The following MID2 variants were observed in gnomAD, a reference collection of about 807,000 sequenced individuals.
The protein encoded by MID2 is probable E3 ubiquitin-protein ligase MID2.
In MID2, 13 loss-of-function variants were observed where a neutral mutation model predicts 46.1. The observed-to-expected ratio is 0.28, with a 90% CI of 0.18 to 0.45. The LOEUF is 0.45. MID2 is among the 20% of genes least tolerant of loss of function. The pLI is 1.00. For synonymous variants in MID2, 199 were observed against 212.3 expected (o/e 0.94, Z 0.55); for missense variants, 431 against 575.4 (o/e 0.75, Z 2.57).
At chrX:107,920,807 A>G (rs946581885) in intron 7 of MID2, among the ~76,000 whole-genome samples, 1 of 111,994 alleles carries the variant, frequency 8.9e-6, no homozygotes, top group Non-Finnish European at 1.9e-5. Context: ...AAATTCACCT[A>G]CTGTTAATAT....
intron 3 of MID2, among the ~76,000 whole-genome samples, chrX:107,890,249 T>C (rs1253413126): frequency 8.9e-6 from 1 of 112,180 alleles, no homozygotes; most frequent in Non-Finnish European, 1.9e-5. Context: ...CTTTGTGGTT[T>C]TATCTTCCTT....
At chrX:107,876,384 A>T (rs1217240729) in intron 3 of MID2, among the ~76,000 whole-genome samples, 2 of 111,534 alleles carry the variant, frequency 1.8e-5, no homozygotes, top group African/African-American at 6.5e-5. Flanking sequence ...CCTTGACTGA[A>T]TTGGGAGATA....
At chrX:107,907,959 T>G (rs1222807606) in intron 5 of MID2, among the ~76,000 whole-genome samples, 1 of 111,756 alleles carries the variant, frequency 8.9e-6, no homozygotes, top group Non-Finnish European at 1.9e-5. Context: ...TCAAAAAAAC[T>G]TTATGAGGTA....
chrX:107,886,945 A>G (rs141361786), intron 3 of MID2, among the ~76,000 whole-genome samples: 14,753 of 111,397 alleles, frequency 0.13, 1,012 homozygotes, highest in Non-Finnish European at 0.21. Context: ...GGTGTATAAG[A>G]ATGCTTGTGA....
chrX:107,917,408 C>T (rs916298738), intron 6 of MID2, 98 bp from the exon 7 acceptor site: 3 of 677,974 alleles, frequency 4.4e-6, no homozygotes, highest in African/African-American at 2.2e-5. Flanking sequence ...AAGAAAATCT[C>T]TTCAAGAGAT....
intron 4 of MID2, 117 bp downstream of exon 4, chrX:107,904,182 G>C: frequency 3.6e-6 from 2 of 549,066 alleles, no homozygotes; most frequent in Non-Finnish European, 6.1e-6. Flanking sequence ...TATAGGGGGA[G>C]AGGCAAAGAA....
At chrX:107,857,819 A>G (rs1931775050) in intron 3 of MID2, among the ~76,000 whole-genome samples, 1 of 112,282 alleles carries the variant, frequency 8.9e-6, no homozygotes, top group Non-Finnish European at 1.9e-5. Flanking sequence ...CATTATATGT[A>G]ATCCAGATTC....
At chrX:107,906,819 C>A (rs923796119) in intron 5 of MID2, among the ~76,000 whole-genome samples, 1 of 112,255 alleles carries the variant, frequency 8.9e-6, no homozygotes, top group African/African-American at 3.2e-5. Flanking sequence ...TTCCTGGCCT[C>A]AAGTAATATG....
chrX:107,855,305 T>A (rs1301673749), intron 3 of MID2, among the ~76,000 whole-genome samples: 3 of 112,043 alleles, frequency 2.7e-5, no homozygotes, highest in African/African-American at 9.7e-5. Flanking sequence ...GAGGTTTTAA[T>A]CAATTGTCAT....
intron 5 of MID2, among the ~76,000 whole-genome samples, chrX:107,909,709 A>G (rs1932868730): frequency 8.9e-6 from 1 of 112,347 alleles, no homozygotes; most frequent in Admixed American, 9.4e-5. Flanking sequence ...GCCTAAAAAT[A>G]TTTCAAGTTA....
chrX:107,917,139 C>CTATATA (rs756442273), intron 6 of MID2, among the ~76,000 whole-genome samples: 3 of 109,465 alleles, frequency 2.7e-5, no homozygotes, highest in African/African-American at 1.0e-4. Context: ...AAAAATCTGT[C>CTATATA]TATATATATA....
intron 7 of MID2, 38 bp from the exon 8 acceptor site, chrX:107,924,305 C>T (rs1375555728): frequency 8.6e-7 from 1 of 1,160,164 alleles, no homozygotes; most frequent in African/African-American, 1.8e-5. Flanking sequence ...GTCTCTCTTA[C>T]CTGCTGGTTA....
chrX:107,837,056 G>A (rs1931223858), intron 1 of MID2, among the ~76,000 whole-genome samples: 1 of 111,406 alleles, frequency 9.0e-6, no homozygotes, highest in African/African-American at 3.3e-5. Flanking sequence ...AACAGTTCTA[G>A]GAAGTTCAGA....
chrX:107,899,276 A>G (rs1932776052), intron 3 of MID2, among the ~76,000 whole-genome samples: 1 of 107,367 alleles, frequency 9.3e-6, no homozygotes, highest in Admixed American at 1.0e-4. Flanking sequence ...TACAGAAGAG[A>G]AACAATTGCC....
chrX:107,854,254 A>G (rs1931693880), intron 2 of MID2, among the ~76,000 whole-genome samples: 1 of 112,229 alleles, frequency 8.9e-6, no homozygotes, highest in Admixed American at 9.5e-5. Flanking sequence ...GAAAAGAGAT[A>G]ATAATATCTG....
At chrX:107,860,144 G>T (rs184645111) in intron 3 of MID2, among the ~76,000 whole-genome samples, 165 of 111,528 alleles carry the variant, frequency 1.5e-3, no homozygotes, top group African/African-American at 5.1e-3. Context: ...TGAAGGCCCA[G>T]CTTGAGACAG....
chrX:107,925,568 T>C (rs1933158193), intron 8 of MID2, among the ~76,000 whole-genome samples: 1 of 112,033 alleles, frequency 8.9e-6, no homozygotes, highest in Non-Finnish European at 1.9e-5. Flanking sequence ...AATTGTTCAG[T>C]TGCTGAGTTC....
rs146376786 is a variant in MID2, at chrX:107,835,518, C to T, written c.5-5152C>T. Reference sequence around the variant, plus strand: ...AAATCCTGGCTGACGTGCTGTTTTCCGGTTTTTGTTTGTTTTGTTTTATTA... The same window carrying T: ...AAATCCTGGCTGACGTGCTGTTTTCTGGTTTTTGTTTGTTTTGTTTTATTA... On this transcript the variant is annotated intron_variant, in intron 1 of 9. Transcript: ENST00000262843. 4.2e-3 allele frequency among the ~76,000 whole-genome samples: 468 copies of T among 111,857 alleles called. 2 individuals carry two copies. The highest frequency in any genetic ancestry group is 0.015 in the Admixed American group (162 of 10,553).
At chrX:107,897,089 CTT>C (rs1932752192) in intron 3 of MID2, among the ~76,000 whole-genome samples, 1 of 111,699 alleles carries the variant, frequency 9.0e-6, no homozygotes, top group Non-Finnish European at 1.9e-5. Context: ...AGTATTAACT[CTT>C]ATGTACTCCT....
Sources: gnomAD v4.1 joint callset for allele counts (sites outside exome capture counted in the v4.1 genomes callset) on GRCh38, gnomAD v4.1.1 for gene constraint, MANE v1.5 for transcripts, NCBI Gene and HGNC (gene_info 2026-07-23, HGNC 2026-07-21) for gene names.